The following LRRC37A2 variants were observed in gnomAD, a reference collection of about 807,000 sequenced individuals.
LRRC37A2 encodes leucine-rich repeat-containing protein 37A2.
A neutral mutation model predicts 68.8 loss-of-function variants in LRRC37A2; 9 were observed. That is an observed-to-expected ratio of 0.13 (90% confidence interval 0.08 to 0.23). The LOEUF is 0.23. Ranked by LOEUF, LRRC37A2 falls within the 10% of genes least tolerant of loss-of-function variation. The pLI, the probability that LRRC37A2 is intolerant of heterozygous loss-of-function variation, is 1.00. For missense variants in LRRC37A2, 168 were observed against 950.4 expected (o/e 0.18, Z 10.82); for synonymous variants, 63 against 367.6 (o/e 0.17, Z 9.48).
chr17:46,812,291 G>T, the LRRC37A2 span, among the ~76,000 whole-genome samples: 2 of 152,220 alleles, frequency 1.3e-5, no homozygotes, highest in Admixed American at 6.5e-5. Flanking sequence ...GGAGGAGGCA[G>T]AAGTCTGGCC....
chr17:46,900,262 T>TA, the LRRC37A2 span, among the ~76,000 whole-genome samples: 47 of 148,364 alleles, frequency 3.2e-4, no homozygotes, highest in Non-Finnish European at 5.5e-4. Context: ...TATATATATA[T>TA]TTTTTTGAGA....
At chr17:47,001,815 A>G in the LRRC37A2 span, among the ~76,000 whole-genome samples, 24 of 138,554 alleles carry the variant, frequency 1.7e-4, no homozygotes, top group South Asian at 6.6e-4. Flanking sequence ...TCCGCCTCCC[A>G]GGTTCAACAG....
chr17:46,935,754 C>T, the LRRC37A2 span: 22 of 987,256 alleles, frequency 2.2e-5, no homozygotes, highest in South Asian at 8.0e-4. Context: ...AAGCCCTGAC[C>T]AGTTGGCACT....
the LRRC37A2 span, among the ~76,000 whole-genome samples, chr17:46,730,725 GTTTATA>G: frequency 1.3e-5 from 2 of 152,096 alleles, no homozygotes; most frequent in Admixed American, 6.6e-5. Context: ...TATTGCTGGA[GTTTATA>G]TTTAGACAGG....
chr17:46,973,586 C>T, the LRRC37A2 span, among the ~76,000 whole-genome samples: 1 of 152,282 alleles, frequency 6.6e-6, no homozygotes, highest in South Asian at 2.1e-4. Context: ...ACTATGACTG[C>T]AAGGGTGAGC....
At chr17:46,948,297 A>G in the LRRC37A2 span, among the ~76,000 whole-genome samples, 2 of 152,234 alleles carry the variant, frequency 1.3e-5, no homozygotes, top group Non-Finnish European at 2.9e-5. Context: ...ACAGCCCAGG[A>G]CATAGAAAGA....
At chr17:46,631,068 A>ACACACACACACC in the LRRC37A2 span, among the ~76,000 whole-genome samples, 1 of 143,458 alleles carries the variant, frequency 7.0e-6, no homozygotes, top group Non-Finnish European at 1.5e-5. Context: ...CTGTACACAC[A>ACACACACACACC]CACACACACA....
the LRRC37A2 span, among the ~76,000 whole-genome samples, chr17:46,973,259 A>C: frequency 6.6e-6 from 1 of 151,710 alleles, no homozygotes; most frequent in African/African-American, 2.4e-5. Flanking sequence ...ACACAACCAG[A>C]TGACAATCTC....
the LRRC37A2 span, among the ~76,000 whole-genome samples, chr17:46,945,691 C>T: frequency 6.6e-6 from 1 of 152,176 alleles, no homozygotes; most frequent in Non-Finnish European, 1.5e-5. Flanking sequence ...TGGCCCTGCT[C>T]ACCTCCTGGC....
chr17:46,750,746 G>C, the LRRC37A2 span, among the ~76,000 whole-genome samples: 1 of 151,914 alleles, frequency 6.6e-6, no homozygotes, highest in Non-Finnish European at 1.5e-5. Flanking sequence ...GTGGGGGTAA[G>C]GTAATCACTG....
chr17:47,002,388 A>ATT, the LRRC37A2 span, among the ~76,000 whole-genome samples: 1,829 of 140,270 alleles, frequency 0.013, 35 homozygotes, highest in African/African-American at 0.043. Flanking sequence ...TTTTATTTTT[A>ATT]TTTTTTTTTT....
At chr17:46,919,327 G>C in the LRRC37A2 span, among the ~76,000 whole-genome samples, 1 of 152,118 alleles carries the variant, frequency 6.6e-6, no homozygotes, top group African/African-American at 2.4e-5. Context: ...TTATCCAAGT[G>C]GTTTAGCCAT....
the LRRC37A2 span, chr17:46,851,621 C>A: frequency 1.6e-6 from 2 of 1,249,390 alleles, no homozygotes; most frequent in South Asian, 2.9e-5. The surrounding 1 kb of genome is among the most constrained non-coding windows in gnomAD (Gnocchi z 4.3). Context: ...TGCTAGAGGG[C>A]GCAGCGCCGC....
At chr17:46,929,441 A>G in the LRRC37A2 span, 3 of 790,516 alleles carry the variant, frequency 3.8e-6, no homozygotes, top group East Asian at 7.3e-5. Context: ...ACATGTTGGC[A>G]TCAGAAAAAT....
chr17:46,869,246 G>A, the LRRC37A2 span, among the ~76,000 whole-genome samples: 1 of 152,278 alleles, frequency 6.6e-6, no homozygotes, highest in South Asian at 2.1e-4. Flanking sequence ...GACTCTCTGA[G>A]CCATCAATCT....
chr17:46,836,406 G>T, the LRRC37A2 span, among the ~76,000 whole-genome samples: 2 of 152,132 alleles, frequency 1.3e-5, no homozygotes, highest in African/African-American at 4.8e-5. Flanking sequence ...AGTGGAGATG[G>T]TTCTTCATGC....
the LRRC37A2 span, among the ~76,000 whole-genome samples, chr17:46,735,555 C>A: frequency 6.6e-6 from 1 of 151,762 alleles, no homozygotes; most frequent in South Asian, 2.1e-4. Flanking sequence ...GTGTCTATTT[C>A]TTCATCTGTA....
chr17:46,841,793 A>G, the LRRC37A2 span, among the ~76,000 whole-genome samples: 1 of 152,232 alleles, frequency 6.6e-6, no homozygotes. Flanking sequence ...TCCAGCTGAG[A>G]GACCTTGAGC....
the LRRC37A2 span, among the ~76,000 whole-genome samples, chr17:46,900,192 TATATATATATACAC>T: frequency 3.1e-5 from 3 of 97,484 alleles, no homozygotes; most frequent in African/African-American, 1.5e-4. Flanking sequence ...TATATATATA[TATATATATATACAC>T]ACACACACAC....
Sources: gnomAD v4.1 joint callset for allele counts (sites outside exome capture counted in the v4.1 genomes callset) on GRCh38, gnomAD v4.1.1 for gene constraint, Gnocchi (gnomAD v3.1) non-coding constraint, MANE v1.5 for transcripts, NCBI Gene and HGNC (gene_info 2026-07-23, HGNC 2026-07-21) for gene names.